Variants in BMP7 observed in about 807,000 individuals in gnomAD.
BMP7 encodes the protein osteogenic protein 1.
BMP7 carries 12 observed loss-of-function variants against 41.2 expected under a neutral mutation model. That is an observed-to-expected ratio of 0.29 (90% CI 0.19 to 0.47). The LOEUF (loss-of-function observed/expected upper bound fraction) is 0.47, where lower values mean the gene tolerates loss of function less well. BMP7 is among the 20% of genes least tolerant of loss of function. The pLI, the probability that BMP7 is intolerant of heterozygous loss-of-function variation, is 0.99. For missense variants in BMP7, 467 were observed against 606.0 expected, an observed-to-expected ratio of 0.77 and a Z score of 2.41; for synonymous variants, 248 against 250.0, an observed-to-expected ratio of 0.99 and a Z score of 0.07.
chr20:57,174,013 A>C lies in BMP7; in HGVS notation c.1036-703T>G, dbSNP rs1983867878. Among the ~76,000 whole-genome samples, 1 of 152,192 alleles carries C rather than the reference A, an allele frequency of 6.6e-6. No homozygotes were observed. Among genetic ancestry groups the C allele is most frequent in the Non-Finnish European group, 1.5e-5 (1 of 68,026 alleles). ...TTAAGCACATGGAATCTTCCAGCAG[A>C]GGCCCCTGGAGTTTGGGTTCTGTCC... On this transcript the variant is annotated intron_variant, in intron 5 of 6. Coordinates refer to ENST00000395863, the MANE Select transcript of BMP7 (RefSeq NM_001719.3). This position sits in a 1 kb window ranked among gnomAD's most constrained non-coding sequence, Gnocchi z 4.3.
At chr20:57,217,927 G>T (rs1283595720) in intron 2 of BMP7, among the ~76,000 whole-genome samples, 1 of 152,214 alleles carries the variant, frequency 6.6e-6, no homozygotes, top group Admixed American at 6.5e-5. Flanking sequence ...CTGTGGATCT[G>T]TCTGTGTTTC....
intron 1 of BMP7, among the ~76,000 whole-genome samples, chr20:57,262,988 C>T (rs1175459537): frequency 1.3e-5 from 2 of 152,144 alleles, no homozygotes; most frequent in African/African-American, 2.4e-5. Context: ...GGAGAAATTC[C>T]AAGCTACAAC....
intron 1 of BMP7, among the ~76,000 whole-genome samples, chr20:57,245,245 G>T (rs529823897): frequency 6.6e-6 from 1 of 152,106 alleles, no homozygotes; most frequent in Non-Finnish European, 1.5e-5. Context: ...TAAGCTAAAC[G>T]ATCAAAACAC....
At chr20:57,231,811 C>T (rs1384658341) in intron 1 of BMP7, among the ~76,000 whole-genome samples, 1 of 152,258 alleles carries the variant, frequency 6.6e-6, no homozygotes, top group Admixed American at 6.5e-5. Context: ...TTCAGAGCAG[C>T]CCCACTGGCA....
chr20:57,241,275 T>C (rs1489692606), intron 1 of BMP7, among the ~76,000 whole-genome samples: 1 of 152,196 alleles, frequency 6.6e-6, no homozygotes, highest in African/African-American at 2.4e-5. Context: ...CTTGGCACAC[T>C]CGATGCACTC....
intron 2 of BMP7, among the ~76,000 whole-genome samples, chr20:57,207,890 C>A (rs1053759862): frequency 7.3e-6 from 1 of 136,276 alleles, no homozygotes; most frequent in Non-Finnish European, 1.5e-5. Flanking sequence ...ACTGCAGTGG[C>A]GCAATCTCGG....
chr20:57,225,440 G>A (rs908532464), intron 2 of BMP7, among the ~76,000 whole-genome samples: 2 of 152,142 alleles, frequency 1.3e-5, no homozygotes, highest in African/African-American at 4.8e-5. Flanking sequence ...CATTTATTGA[G>A]CACTTCCTGT....
At chr20:57,216,403 G>A (rs1037905797) in intron 2 of BMP7, among the ~76,000 whole-genome samples, 5 of 152,154 alleles carry the variant, frequency 3.3e-5, no homozygotes, top group Admixed American at 6.5e-5. Context: ...CTTGGAGATT[G>A]TCAAAACAGA....
chr20:57,202,563 C>T lies in BMP7; in HGVS notation c.672G>A (p.Leu224=), dbSNP rs1206837704. 6.2e-7 allele frequency: 1 copy of T among 1,612,334 alleles called. No homozygotes were observed. The highest frequency in any genetic ancestry group is 1.7e-5 in the Admixed American group (1 of 59,980). ...RTLWASEEGW[L]VFDITATSNH... ...TGCTGGTGGCTGTGATGTCAAACAC[C>T]AGCCAGCCCTCCTCCGAGGCCCAGA... Residue 224 remains leucine, a synonymous_variant, in exon 3 of 7, where the codon CTG becomes CTA. Transcript: ENST00000395863.
rs1182468180 is a variant in BMP7 at position 57,261,459 on chromosome 20, A to G, written c.418+4246T>C. Among the ~76,000 whole-genome samples, 1 of 152,230 alleles carries G rather than the reference A, an allele frequency of 6.6e-6. No individual in the cohort carries two copies. The highest frequency in any genetic ancestry group is 1.5e-5 in the Non-Finnish European group (1 of 68,046). ...ACCCTGCCTTGATTCCAGAAGGAAA[A>G]TACATAGAAAATGAAAAAAGTTCAA... On this transcript the variant is annotated intron_variant, in intron 1 of 6. Transcript: ENST00000395863. The surrounding 1 kb of genome is among the most constrained non-coding windows in gnomAD (Gnocchi z 4.1).
In BMP7 at chr20:57,174,661, G is replaced by A. The variant is rs1983881932; in HGVS notation, c.1035+270C>T. 6.6e-6 allele frequency among the ~76,000 whole-genome samples: 1 copy of A among 152,210 alleles called. No homozygotes were observed. The highest frequency in any genetic ancestry group is 2.4e-5 in the African/African-American group (1 of 41,462). On this transcript the variant is annotated intron_variant, in intron 5 of 6. Coordinates refer to ENST00000395863, the MANE Select transcript of BMP7 (RefSeq NM_001719.3). The surrounding 1 kb of genome is among the most constrained non-coding windows in gnomAD (Gnocchi z 4.3). ...TCATCTTGAGAAGCAGCCAGCCAAG[G>A]GATGGGAATGAGGTGCATGCAGAGA...
intron 1 of BMP7, among the ~76,000 whole-genome samples, chr20:57,236,666 G>A (rs1293022851): frequency 6.6e-6 from 1 of 152,048 alleles, no homozygotes; most frequent in Non-Finnish European, 1.5e-5. Flanking sequence ...TCAGAGAAAG[G>A]GGGCAGGGAG....
chr20:57,181,894 G>A (rs1442746969), intron 4 of BMP7, among the ~76,000 whole-genome samples: 1 of 152,250 alleles, frequency 6.6e-6, no homozygotes, highest in Non-Finnish European at 1.5e-5. Flanking sequence ...GTGATTCCAA[G>A]GGCAGTCGTA....
intron 3 of BMP7, 111 bp from the exon 4 acceptor site, chr20:57,184,030 T>C: frequency 8.1e-7 from 1 of 1,234,840 alleles, no homozygotes; most frequent in South Asian, 1.3e-5. Context: ...TCCTTATTCC[T>C]CCATCCAGTA....
intron 1 of BMP7, among the ~76,000 whole-genome samples, chr20:57,253,616 T>C (rs1292069200): frequency 6.6e-6 from 1 of 152,090 alleles, no homozygotes; most frequent in Non-Finnish European, 1.5e-5. Context: ...TAGGACTGGC[T>C]CTCCTGCCCC....
chr20:57,233,683 G>C (rs985936746), intron 1 of BMP7, among the ~76,000 whole-genome samples: 2 of 152,138 alleles, frequency 1.3e-5, no homozygotes, highest in African/African-American at 4.8e-5. Context: ...CTACAGTTAT[G>C]AGACATACTC....
At chr20:57,201,426 T>G (rs1274574691) in intron 3 of BMP7, among the ~76,000 whole-genome samples, 1 of 151,764 alleles carries the variant, frequency 6.6e-6, no homozygotes, top group East Asian at 1.9e-4. Flanking sequence ...ACACTGTATA[T>G]GCCAGGCCAC....
rs191929772 is a variant in BMP7 at position 57,194,673 on chromosome 20, G to A, written c.760+7802C>T. On this transcript the variant is annotated intron_variant, in intron 3 of 6. Transcript: ENST00000395863. ...TCAACAAAAATGAAAACCCACCAAT[G>A]TATACCAAGCACCGTGCTAAGCCCG... 5.9e-5 allele frequency among the ~76,000 whole-genome samples: 9 copies of A among 152,298 alleles called. No individual in the cohort carries two copies. The East Asian group carries it at 1.7e-3, about 29-fold the overall frequency.
At chr20:57,202,682 C>G (rs949941330) in intron 2 of BMP7, 59 bp from the exon 3 acceptor site, 1 of 1,571,246 alleles carries the variant, frequency 6.4e-7, no homozygotes, top group African/African-American at 1.3e-5. Flanking sequence ...CTCCACTACC[C>G]CAACAGATGG....
Sources: allele counts gnomAD v4.1 joint callset (sites outside exome capture counted in the v4.1 genomes callset), GRCh38; gene constraint gnomAD v4.1.1; non-coding constraint Gnocchi (gnomAD v3.1); transcripts MANE v1.5; gene names NCBI Gene and HGNC (gene_info 2026-07-23, HGNC 2026-07-21).